Variants in HLA-DPA1 observed in about 807,000 individuals in gnomAD.
The protein encoded by HLA-DPA1 is major histocompatibility complex, class II, DP alpha 1.
In HLA-DPA1, 20 loss-of-function variants were observed where a neutral mutation model predicts 21.5. The observed-to-expected ratio is 0.93, with a 90% CI of 0.66 to 1.35. HLA-DPA1 has a LOEUF of 1.35. Ranked by LOEUF, HLA-DPA1 falls within the 40% of genes most tolerant of loss-of-function variation. The probability of loss-of-function intolerance (pLI) is 0.00; values close to 1 mark genes in which losing one functional copy is unlikely to be tolerated. For synonymous variants in HLA-DPA1, 123 were observed against 129.6 expected (o/e 0.95, Z 0.35); for missense variants, 279 against 323.0 (o/e 0.86, Z 1.05).
chr6:33,068,778 C>G, exon 5 of HLA-DPA1: 1 of 1,613,032 alleles, frequency 6.2e-7, no homozygotes, highest in South Asian at 1.1e-5. Flanking sequence ...TCCGTTGTCT[C>G]AGGCATCTGG....
chr6:33,074,173 A>G (rs1562134875), intron 1 of HLA-DPA1, among the ~76,000 whole-genome samples: 1 of 152,214 alleles, frequency 6.6e-6, no homozygotes, highest in African/African-American at 2.4e-5. Context: ...ATTAACTTGA[A>G]TGAAGTTGAT....
chr6:33,072,795 G>T (rs1762342352), intron 2 of HLA-DPA1, among the ~76,000 whole-genome samples: 1 of 152,184 alleles, frequency 6.6e-6, no homozygotes, highest in African/African-American at 2.4e-5. Flanking sequence ...GCTATCAAAA[G>T]TCTAGGCCTC....
intron 5 of HLA-DPA1, 37 bp downstream of exon 4, chr6:33,068,601 T>G: frequency 6.6e-7 from 1 of 1,523,300 alleles, no homozygotes; most frequent in Non-Finnish European, 8.9e-7. Context: ...CTTCCTTACA[T>G]TCTACAAATC....
chr6:33,065,191 G>C (rs8486), exon 6 of HLA-DPA1: 1 of 151,936 alleles, frequency 6.6e-6, no homozygotes, highest in Non-Finnish European at 1.5e-5. Context: ...TGACTGCTTT[G>C]AGGTAATGGA....
intron 5 of HLA-DPA1, chr6:33,066,403 A>G (rs1761955443): frequency 6.6e-6 from 1 of 152,250 alleles, no homozygotes; most frequent in Admixed American, 6.5e-5. Flanking sequence ...TTATATAAAG[A>G]AAAATAAAAC....
exon 4 of HLA-DPA1, chr6:33,069,026 C>G: frequency 6.2e-7 from 1 of 1,612,940 alleles, no homozygotes; most frequent in Non-Finnish European, 8.5e-7. Flanking sequence ...TACCCCAGTG[C>G]TTGAGGAGCG....
intron 2 of HLA-DPA1, 67 bp from the exon 2 acceptor site, chr6:33,069,953 G>A: frequency 2.1e-6 from 3 of 1,421,072 alleles, no homozygotes; most frequent in Non-Finnish European, 2.9e-6. Context: ...GTCAAAGCTA[G>A]AGAATGAATA....
At chr6:33,072,943 A>G (rs2150363134) in intron 2 of HLA-DPA1, among the ~76,000 whole-genome samples, 1 of 152,302 alleles carries the variant, frequency 6.6e-6, no homozygotes, top group African/African-American at 2.4e-5. Context: ...GAGAGGGAGG[A>G]TACAGAAACA....
chr6:33,079,546 G>A (rs148727571), intron 1 of HLA-DPA1: 78 of 376,488 alleles, frequency 2.1e-4, no homozygotes, highest in African/African-American at 6.1e-4. Flanking sequence ...TCAAAATTAA[G>A]CATAACTGGC....
In HLA-DPA1 at chr6:33,070,504, A is replaced by C. The variant is rs140086905; in HGVS notation, c.101-618T>G. ...TATTATAGAAAAGGTAGAAAAAAATACAAAATTGAGAGGAAGAAGAAAATA... is the reference window on the plus strand; with the variant it reads ...TATTATAGAAAAGGTAGAAAAAAATCCAAAATTGAGAGGAAGAAGAAAATA... On this transcript the variant is annotated intron_variant, in intron 2 of 5. Transcript: ENST00000419277. Among the ~76,000 whole-genome samples the C allele has an allele frequency of 3.6e-3, 542 of 152,344 alleles. 3 individuals are homozygous for C. The highest frequency in any genetic ancestry group is 0.026 in the East Asian group (133 of 5,194).
chr6:33,072,267 A>G (rs58129983), intron 2 of HLA-DPA1, among the ~76,000 whole-genome samples: 29,368 of 152,116 alleles, frequency 0.19, 3,461 homozygotes, highest in African/African-American at 0.32. Flanking sequence ...TGTACCAGAG[A>G]CAAGTCAGAA....
At chr6:33,079,501 C>A in intron 1 of HLA-DPA1, 1 of 325,102 alleles carries the variant, frequency 3.1e-6, no homozygotes, top group Non-Finnish European at 6.0e-6. Context: ...AAAAGAGGAC[C>A]AACAAGTTCA....
chr6:33,080,340 TCCCAGTGAC>T lies in HLA-DPA1; in HGVS notation c.-100+331_-100+339del. 1.9e-6 allele frequency: 1 copy of T among 513,386 alleles called. No homozygotes were observed. Among genetic ancestry groups the T allele is most frequent in the Admixed American group, 2.5e-5 (1 of 39,870 alleles). 31.8% of individuals were successfully genotyped at this position (513,386 alleles called of 1,614,324 possible). A position where few individuals can be genotyped will look rare whatever the true frequency, so the allele number is the denominator to read the frequency against. ...CAGCTCCTCCCGCCCCTGTTTTTTCTCCCAGTGACCCCACGTGAAACGTCTCCGCCTCCT... is the reference window on the plus strand; with the variant it reads ...CAGCTCCTCCCGCCCCTGTTTTTTCTCCCACGTGAAACGTCTCCGCCTCCT... On this transcript the variant is annotated intron_variant, in intron 1 of 5. Transcript: ENST00000419277. This position sits in a 1 kb window ranked among gnomAD's most constrained non-coding sequence, Gnocchi z 4.3.
In HLA-DPA1 at chr6:33,069,307, G is replaced by T. The variant is rs1172377034; in HGVS notation, c.347-7C>A. Reference sequence around the variant, plus strand: ...ACGGTCACCTCAGGGGGATCTGGAAGGAGACAGCACCAGGTTAGGCCCCTC... The same window carrying T: ...ACGGTCACCTCAGGGGGATCTGGAATGAGACAGCACCAGGTTAGGCCCCTC... On this transcript the variant is annotated splice_region_variant and splice_polypyrimidine_tract_variant and intron_variant, in intron 3 of 5. Coordinates refer to ENST00000419277, the Ensembl canonical transcript of HLA-DPA1. 3 of 1,610,028 alleles carry T rather than the reference G, an allele frequency of 1.9e-6. No individual in the cohort carries two copies. Among genetic ancestry groups the T allele is most frequent in the African/African-American group, 2.7e-5 (2 of 74,732 alleles).
At chr6:33,069,704 C>A (rs1194459521) in exon 3 of HLA-DPA1, 2 of 1,612,602 alleles carry the variant, frequency 1.2e-6, no homozygotes, top group African/African-American at 1.3e-5. Context: ...TTCAATATAG[C>A]AATGTTAGCC....
Position 33,080,636 on chromosome 6 carries a change from G to C in HLA-DPA1, c.-100+44C>G. The C allele has an allele frequency of 6.2e-7, 1 of 1,611,576 alleles. No individual in the cohort carries two copies. The highest frequency in any genetic ancestry group is 8.5e-7 in the Non-Finnish European group (1 of 1,178,744). On this transcript the variant is annotated intron_variant, in intron 1 of 5. Coordinates refer to ENST00000419277, the Ensembl canonical transcript of HLA-DPA1. The surrounding 1 kb of genome is among the most constrained non-coding windows in gnomAD (Gnocchi z 4.3). ...GAGGGAGAAAGAGGATTAGATGAGA[G>C]TGGCGCCTCCGCTCATGTCCGCCCC...
At chr6:33,073,522 C>A in exon 2 of HLA-DPA1, 1 of 1,613,016 alleles carries the variant, frequency 6.2e-7, no homozygotes. Flanking sequence ...AAGGAGAGGG[C>A]TCTCAAGATC....
intron 1 of HLA-DPA1, among the ~76,000 whole-genome samples, chr6:33,075,676 T>C (rs1040777496): frequency 6.6e-6 from 1 of 152,134 alleles, no homozygotes; most frequent in Non-Finnish European, 1.5e-5. Context: ...GGGGAAATGA[T>C]AATCCCTGTA....
chr6:33,067,909 A>C (rs1562120630), intron 5 of HLA-DPA1: 1 of 152,202 alleles, frequency 6.6e-6, no homozygotes, highest in Non-Finnish European at 1.5e-5. Context: ...TGAACTGAGA[A>C]GTTCTTAACC....
Sources: gnomAD v4.1 joint callset for allele counts (sites outside exome capture counted in the v4.1 genomes callset) on GRCh38, gnomAD v4.1.1 for gene constraint, Gnocchi (gnomAD v3.1) non-coding constraint, MANE v1.5 for transcripts, NCBI Gene and HGNC (gene_info 2026-07-23, HGNC 2026-07-21) for gene names.